BIRC6: variants seen among roughly 807,000 people sequenced by gnomAD.
The protein encoded by BIRC6 is baculoviral IAP repeat containing 6, also known as dual E2 ubiquitin-conjugating enzyme/E3 ubiquitin-protein ligase BIRC6.
BIRC6 carries 98 observed loss-of-function variants against 503.3 expected under a neutral mutation model. That is an observed-to-expected ratio of 0.19 (90% CI 0.17 to 0.23). The LOEUF is 0.23. Among genes scored for constraint, BIRC6 ranks in the 10% least tolerant of loss-of-function variants. The pLI, the probability that BIRC6 is intolerant of heterozygous loss-of-function variation, is 1.00. For missense variants in BIRC6, 5,360 were observed against 5,806.0 expected (o/e 0.92, Z 2.50); for synonymous variants, 2,240 against 2,078.7 (o/e 1.08, Z -2.11).
intron 65 of BIRC6, among the ~76,000 whole-genome samples, chr2:32,561,317 C>CT (rs2059168565): frequency 1.3e-5 from 2 of 151,538 alleles, no homozygotes; most frequent in Admixed American, 1.3e-4. Context: ...TCTTGGCTCA[C>CT]TGCAACCTCC....
At chr2:32,514,647 G>A (rs929419811) in intron 54 of BIRC6, among the ~76,000 whole-genome samples, 5 of 152,124 alleles carry the variant, frequency 3.3e-5, no homozygotes, top group Non-Finnish European at 5.9e-5. Flanking sequence ...GGAATTTAAC[G>A]TAAACATTTG....
At chr2:32,582,490 G>C (rs867901289) in intron 66 of BIRC6, among the ~76,000 whole-genome samples, 1 of 152,134 alleles carries the variant, frequency 6.6e-6, no homozygotes, top group Non-Finnish European at 1.5e-5. Context: ...TTAGCTGGGC[G>C]TGGTGGCTCA....
chr2:32,479,153 CAT>C (rs1216201041), intron 36 of BIRC6, among the ~76,000 whole-genome samples: 1 of 152,138 alleles, frequency 6.6e-6, no homozygotes, highest in South Asian at 2.1e-4. Context: ...TCATATATAA[CAT>C]AAGGATAATA....
At chr2:32,359,201 T>C (rs970242973) in intron 1 of BIRC6, among the ~76,000 whole-genome samples, 1 of 152,242 alleles carries the variant, frequency 6.6e-6, no homozygotes, top group African/African-American at 2.4e-5. Context: ...ATCTTGAGGA[T>C]GTAGTATTTT....
intron 66 of BIRC6, among the ~76,000 whole-genome samples, chr2:32,592,591 G>T (rs913600938): frequency 6.6e-6 from 1 of 151,316 alleles, no homozygotes; most frequent in Non-Finnish European, 1.5e-5. Flanking sequence ...ATTTGTTAAG[G>T]ATTCTTTTTT....
At chr2:32,556,457 C>T (rs2058785354) in intron 65 of BIRC6, among the ~76,000 whole-genome samples, 1 of 152,172 alleles carries the variant, frequency 6.6e-6, no homozygotes. Context: ...ACACTGTAGT[C>T]CAGCTATTAA....
chr2:32,465,051 T>G lies in BIRC6; in HGVS notation c.5257-14T>G. ...TCAATATAAAGTTAGATTTTTTTTT[T>G]TTCCCTGCTCTAGAATCCACTTGGT... On this transcript the variant is annotated splice_polypyrimidine_tract_variant and intron_variant, in intron 25 of 73. Transcript: ENST00000421745. 1.3e-6 allele frequency: 2 copies of G among 1,515,048 alleles called. No individual in the cohort carries two copies. Among genetic ancestry groups the G allele is most frequent in the Non-Finnish European group, 1.8e-6 (2 of 1,116,210 alleles). The allele number at this position is 1,515,048 out of a possible 1,614,324, so 93.9% of individuals were successfully genotyped here. A position where few individuals can be genotyped will look rare whatever the true frequency, so the allele number is the denominator to read the frequency against.
chr2:32,496,736 A>G (rs1179042659), intron 45 of BIRC6, among the ~76,000 whole-genome samples: 1 of 152,182 alleles, frequency 6.6e-6, no homozygotes, highest in Non-Finnish European at 1.5e-5. Flanking sequence ...TTTCCAGAAA[A>G]AAATCATTTT....
chr2:32,570,765 C>T lies in BIRC6; in HGVS notation c.13145-4391C>T, dbSNP rs111501758. 9.5e-3 allele frequency among the ~76,000 whole-genome samples: 1,440 copies of T among 152,144 alleles called. 20 individuals are homozygous for T. Among genetic ancestry groups the T allele is most frequent in the Admixed American group, 0.014 (217 of 15,250 alleles). On this transcript the variant is annotated intron_variant, in intron 65 of 73. Coordinates refer to ENST00000421745, the MANE Select transcript of BIRC6 (RefSeq NM_016252.4). ...CCACCCACCTTGGCCTCCCAAAGTG[C>T]TGGAGTTACAGGTGTGAGCCATCAC...
At chr2:32,489,302 C>G (rs1306340809) in intron 42 of BIRC6, among the ~76,000 whole-genome samples, 2 of 152,014 alleles carry the variant, frequency 1.3e-5, no homozygotes, top group Non-Finnish European at 2.9e-5. Context: ...TTGCTTGGGT[C>G]TTACATGGTG....
chr2:32,530,043 ACTT>A (rs1413082815), intron 60 of BIRC6, among the ~76,000 whole-genome samples: 1 of 152,168 alleles, frequency 6.6e-6, no homozygotes, highest in African/African-American at 2.4e-5. Flanking sequence ...GAGCGCATGT[ACTT>A]TAATTTCTGA....
Position 32,543,276 on chromosome 2 carries a change from A to G in BIRC6, c.12327A>G (p.Glu4109=), listed in dbSNP as rs1366809035. The G allele has an allele frequency of 8.1e-6, 13 of 1,614,024 alleles. No individual in the cohort carries two copies. Among genetic ancestry groups the G allele is most frequent in the Non-Finnish European group, 1.1e-5 (13 of 1,179,882 alleles). Residue 4109 remains glutamate (E), a synonymous_variant, in exon 62 of 74, where the codon GAA becomes GAG. Transcript: ENST00000421745. ...CAGTTGTAACATCTACCACTCAGGA[A>G]AAGCCGAAGGATAGCGATCAGTTTG... is the stretch of plus-strand genomic sequence containing the variant. The part of the protein sequence containing the change: ...SAPVVTSTTQ[E]KPKDSDQFEW...
At chr2:32,598,002 A>G (rs2151470074) in intron 69 of BIRC6, 34 bp downstream of exon 69, 3 of 1,533,248 alleles carry the variant, frequency 2.0e-6, no homozygotes, top group East Asian at 2.3e-5. Flanking sequence ...ACTCTCCCTT[A>G]TCTCCTTGGC....
chr2:32,531,237 T>A, intron 60 of BIRC6, 118 bp from the exon 61 acceptor site: 1 of 781,196 alleles, frequency 1.3e-6, no homozygotes. Flanking sequence ...AAATAAATGA[T>A]GTTTTGTGCT....
At chr2:32,597,412 T>C (rs572819690) in intron 68 of BIRC6, among the ~76,000 whole-genome samples, 2 of 152,332 alleles carry the variant, frequency 1.3e-5, no homozygotes, top group East Asian at 1.9e-4. Flanking sequence ...TTTAATGAAA[T>C]CTTTGAGTTA....
At chr2:32,535,108 A>G (rs1010936396) in intron 61 of BIRC6, among the ~76,000 whole-genome samples, 3 of 138,190 alleles carry the variant, frequency 2.2e-5, no homozygotes, top group African/African-American at 5.4e-5. Context: ...CGGGTTCCAG[A>G]CCACCTGGGC....
chr2:32,476,017 A>G (rs971325083), intron 33 of BIRC6, among the ~76,000 whole-genome samples, 196 bp from the exon 34 acceptor site: 3 of 152,160 alleles, frequency 2.0e-5, no homozygotes. Flanking sequence ...GGGAGATTTT[A>G]ATGAAAACAG....
intron 21 of BIRC6, 93 bp from the exon 22 acceptor site, chr2:32,448,702 C>T: frequency 8.7e-7 from 1 of 1,144,906 alleles, no homozygotes; most frequent in Non-Finnish European, 1.3e-6. Context: ...GCCCTCTGCG[C>T]TGTTAGTCAG....
chr2:32,450,200 C>T (rs754791417), intron 22 of BIRC6, among the ~76,000 whole-genome samples: 2 of 152,050 alleles, frequency 1.3e-5, no homozygotes, highest in African/African-American at 2.4e-5. Context: ...ATATGTCGGC[C>T]GGGCACGGTG....
Sources: allele counts gnomAD v4.1 joint callset (sites outside exome capture counted in the v4.1 genomes callset), GRCh38; gene constraint gnomAD v4.1.1; transcripts MANE v1.5; gene names NCBI Gene and HGNC (gene_info 2026-07-23, HGNC 2026-07-21).